RBM6: variants seen among roughly 807,000 people sequenced by gnomAD.
RBM6 encodes the protein RNA binding motif protein 6.
A neutral mutation model predicts 140.4 loss-of-function variants in RBM6; 23 were observed. The observed-to-expected ratio is 0.16, with a 90% CI of 0.12 to 0.23. The LOEUF is 0.23. Ranked by LOEUF, RBM6 falls within the 10% of genes least tolerant of loss-of-function variation. RBM6 has a pLI of 1.00. For synonymous variants in RBM6, 439 were observed against 475.6 expected (o/e 0.92, Z 1.00); for missense variants, 1,139 against 1,386.7 (o/e 0.82, Z 2.84).
At chr3:50,059,025 G>T (rs2108913150) in intron 10 of RBM6, 1 of 153,640 alleles carries the variant, frequency 6.5e-6, no homozygotes, top group African/African-American at 2.4e-5. Context: ...GTTCATTCAG[G>T]TCAGGTGACA....
intron 5 of RBM6, among the ~76,000 whole-genome samples, chr3:49,998,538 G>T (rs1365729941): frequency 6.6e-6 from 1 of 152,170 alleles, no homozygotes; most frequent in Admixed American, 6.5e-5. Context: ...GAAATTATAG[G>T]ACTGGTTAGA....
At chr3:50,031,561 TCA>T (rs1281501293) in intron 6 of RBM6, among the ~76,000 whole-genome samples, 9 of 146,108 alleles carry the variant, frequency 6.2e-5, no homozygotes. Context: ...GCGGGGAACA[TCA>T]CACACTGGGG....
intron 1 of RBM6, among the ~76,000 whole-genome samples, chr3:49,947,250 T>A: frequency 1.4e-5 from 1 of 69,196 alleles, no homozygotes; most frequent in African/African-American, 7.0e-5. Context: ...AGACTCCGTC[T>A]CAAAAAAAAA....
chr3:49,958,874 A>G (rs570331439), intron 1 of RBM6, among the ~76,000 whole-genome samples: 2 of 149,856 alleles, frequency 1.3e-5, no homozygotes, highest in Non-Finnish European at 1.5e-5. Context: ...GCTCACTGCA[A>G]CCAACCCCCA....
Position 50,077,220 on chromosome 3 carries a change from C to G in RBM6, c.*87C>G, listed in dbSNP as rs1245742531. The G allele has an allele frequency of 2.9e-6, 4 of 1,401,064 alleles. No individual in the cohort carries two copies. The East Asian group carries it at 1.1e-4, about 37-fold the overall frequency. 86.8% of individuals were successfully genotyped at this position (1,401,064 alleles called of 1,614,324 possible). A position where few individuals can be genotyped will look rare whatever the true frequency, so the allele number is the denominator to read the frequency against. ...TTTGTTACTGTTCTTGCTGCTAGAA[C>G]TTTTTTAAATAAACTTTTTTTCAAT... On this transcript the variant is annotated 3_prime_UTR_variant, in exon 21 of 21. Coordinates refer to ENST00000266022, the MANE Select transcript of RBM6 (RefSeq NM_005777.3).
chr3:50,035,322 T>C (rs1042075922), intron 6 of RBM6, among the ~76,000 whole-genome samples: 11 of 152,008 alleles, frequency 7.2e-5, no homozygotes, highest in African/African-American at 2.4e-4. Context: ...ACACATAGCC[T>C]TTCAACAGGA....
At chr3:49,991,443 A>G (rs745366160) in intron 5 of RBM6, among the ~76,000 whole-genome samples, 13 of 152,152 alleles carry the variant, frequency 8.5e-5, no homozygotes, top group Non-Finnish European at 1.8e-4. Flanking sequence ...CTTCTGGTCA[A>G]GGCTTTGTCT....
At chr3:49,965,665 G>A (rs903898685) in intron 2 of RBM6, among the ~76,000 whole-genome samples, 3 of 148,384 alleles carry the variant, frequency 2.0e-5, no homozygotes, top group Admixed American at 6.7e-5. Flanking sequence ...GCGAGACTCC[G>A]TCTCAAAAAA....
chr3:50,065,511 G>A (rs553688663), intron 16 of RBM6: 36 of 460,716 alleles, frequency 7.8e-5, no homozygotes, highest in Admixed American at 4.0e-4. Flanking sequence ...GAGTGCATGC[G>A]TGGTCATTTT....
rs1449460587 is a variant in RBM6 at position 49,978,278 on chromosome 3, GA to G, written c.1483+2887del. On this transcript the variant is annotated intron_variant, in intron 5 of 20. Transcript: ENST00000266022. The stretch of plus-strand genomic sequence containing the variant: ...ATCCTCCCACAGTGCTGGGATTACA[GA>G]TGTGAACCAGTATGCACAGACAAAA... Among the ~76,000 whole-genome samples the G allele has an allele frequency of 5.3e-5, 8 of 152,280 alleles. No homozygotes were observed. The South Asian group carries it at 1.7e-3, about 32-fold the overall frequency.
intron 3 of RBM6, among the ~76,000 whole-genome samples, chr3:49,970,800 G>A (rs2084754991): frequency 6.6e-6 from 1 of 152,078 alleles, no homozygotes; most frequent in East Asian, 1.9e-4. Context: ...CTTGAGACCA[G>A]TGTGGTGCAA....
At chr3:50,061,616 C>G in intron 14 of RBM6, 69 bp downstream of exon 14, 1 of 1,527,406 alleles carries the variant, frequency 6.5e-7, no homozygotes, top group Non-Finnish European at 8.7e-7. Flanking sequence ...GAGAAAAGCA[C>G]CCATAATTTG....
chr3:50,020,107 A>G (rs931476928), intron 6 of RBM6, among the ~76,000 whole-genome samples: 1 of 151,896 alleles, frequency 6.6e-6, no homozygotes. Flanking sequence ...ATTATTTGTA[A>G]AGATGAAGTC....
At chr3:50,036,730 G>C (rs1575765964) in intron 6 of RBM6, among the ~76,000 whole-genome samples, 1 of 152,202 alleles carries the variant, frequency 6.6e-6, no homozygotes, top group East Asian at 1.9e-4. Flanking sequence ...AAAGGATTAG[G>C]GACCTAACCT....
intron 5 of RBM6, among the ~76,000 whole-genome samples, chr3:49,984,667 C>T (rs2085482655): frequency 6.6e-6 from 1 of 150,900 alleles, no homozygotes. Context: ...CATCGCATTG[C>T]ATCACATCAC....
At chr3:50,014,986 T>G (rs2087043996) in intron 6 of RBM6, among the ~76,000 whole-genome samples, 1 of 128,780 alleles carries the variant, frequency 7.8e-6, no homozygotes, top group Non-Finnish European at 1.6e-5. Context: ...AAGGTGGAGG[T>G]TGCGGTGAGC....
chr3:49,968,274 G>A lies in RBM6; in HGVS notation c.849G>A (p.Arg283=). The A allele has an allele frequency of 6.2e-7, 1 of 1,614,082 alleles. No individual in the cohort carries two copies. The highest frequency in any genetic ancestry group is 8.5e-7 in the Non-Finnish European group (1 of 1,180,004). The change falls in exon 3 of 21, where the codon AGG becomes AGA. Residue 283 remains arginine (R), a synonymous_variant. Coordinates refer to ENST00000266022, the MANE Select transcript of RBM6 (RefSeq NM_005777.3). The stretch of plus-strand genomic sequence containing the variant: ...GATCTTGTATGGAATTTAAAGATAG[G>A]GAGATGCCCCCTGTGGATCCAAATA... The part of the protein sequence containing the change: ...EMGSCMEFKD[R]EMPPVDPNIL...
intron 5 of RBM6, among the ~76,000 whole-genome samples, chr3:49,996,367 G>C (rs2086087750): frequency 6.6e-6 from 1 of 152,050 alleles, no homozygotes; most frequent in Non-Finnish European, 1.5e-5. Flanking sequence ...ACAGTGCATG[G>C]TTTTTATCTT....
rs140674869 is a variant in RBM6, at chr3:49,951,720, T to A, written c.-66-10856T>A. ...AGTTATTATTATTATTATTATTATT[T>A]TTTTGTTGTTCTGTTTTTTTGAGGT... On this transcript the variant is annotated intron_variant, in intron 1 of 20. Coordinates refer to ENST00000266022, the MANE Select transcript of RBM6 (RefSeq NM_005777.3). Among the ~76,000 whole-genome samples, 548 of 144,954 alleles carry A rather than the reference T, an allele frequency of 3.8e-3. 14 individuals carry two copies. Among genetic ancestry groups the A allele is most frequent in the Admixed American group, 0.029 (403 of 14,048 alleles).
Sources: allele counts gnomAD v4.1 joint callset (sites outside exome capture counted in the v4.1 genomes callset), GRCh38; gene constraint gnomAD v4.1.1; transcripts MANE v1.5; gene names NCBI Gene and HGNC (gene_info 2026-07-23, HGNC 2026-07-21).